ZNF415: variants seen among roughly 807,000 people sequenced by gnomAD.
The protein encoded by ZNF415 is zinc finger protein 415.
Under a neutral mutation model 7.3 loss-of-function variants are expected in ZNF415, and 5 were observed. The ratio of observed to expected loss-of-function variants is 0.69; its 90% CI spans 0.36 to 1.44. The LOEUF (loss-of-function observed/expected upper bound fraction) is 1.44. Ranked by LOEUF, ZNF415 falls within the 40% of genes most tolerant of loss-of-function variation. The pLI, the probability that ZNF415 is intolerant of heterozygous loss-of-function variation, is 0.04. For missense variants in ZNF415, 628 were observed against 664.8 expected (o/e 0.94, Z 0.61); for synonymous variants, 207 against 226.3 (o/e 0.91, Z 0.77).
intron 1 of ZNF415, among the ~76,000 whole-genome samples, chr19:53,129,420 C>T (rs1023259497): frequency 2.0e-5 from 3 of 152,212 alleles, no homozygotes; most frequent in Non-Finnish European, 4.4e-5. Flanking sequence ...AAGATGGTCT[C>T]TGTGTCTGAG....
chr19:53,129,405 C>T (rs183872876), intron 1 of ZNF415, among the ~76,000 whole-genome samples: 5 of 152,264 alleles, frequency 3.3e-5, no homozygotes, highest in Admixed American at 2.0e-4. Flanking sequence ...CAGAGAAAGG[C>T]CCCGAAGATG....
chr19:53,131,643 G>C (rs749144403), intron 1 of ZNF415, among the ~76,000 whole-genome samples: 1 of 151,288 alleles, frequency 6.6e-6, no homozygotes, highest in Non-Finnish European at 1.5e-5. Context: ...TGCTCATTTT[G>C]AGCCCCTCTC....
At chr19:53,116,268 G>A (rs1354179449) in intron 3 of ZNF415, 45 bp downstream of exon 3, 5 of 1,573,614 alleles carry the variant, frequency 3.2e-6, no homozygotes, top group Non-Finnish European at 4.3e-6. Context: ...AAAATGGAAA[G>A]ATACCAAGGG....
At chr19:53,115,315 A>T (rs1208174129) in intron 3 of ZNF415, 2 of 191,890 alleles carry the variant, frequency 1.0e-5, no homozygotes, top group Non-Finnish European at 2.2e-5. Flanking sequence ...AGCCTGGGCA[A>T]TAAGAGCGAA....
intron 1 of ZNF415, among the ~76,000 whole-genome samples, chr19:53,132,376 G>C (rs1048445566): frequency 5.9e-5 from 9 of 152,154 alleles, no homozygotes; most frequent in African/African-American, 1.9e-4. Context: ...TCCCCAGCGC[G>C]GGCTCAGGGG....
rs145874239 is a variant in ZNF415 at position 53,110,849 on chromosome 19, T to G, written c.137-941A>C. Among the ~76,000 whole-genome samples, 691 of 152,264 alleles carry G rather than the reference T, an allele frequency of 4.5e-3. 5 individuals carry two copies. The highest frequency in any genetic ancestry group is 0.016 in the African/African-American group (655 of 41,542). ...GAAATCACAATTATGACTTCACACC[T>G]GCACTTATGTAACAAACAGCCAGTC... is the stretch of plus-strand genomic sequence containing the variant. On this transcript the variant is annotated intron_variant, in intron 3 of 3. Coordinates refer to ENST00000243643, the MANE Select transcript of ZNF415 (RefSeq NM_018355.4).
intron 1 of ZNF415, among the ~76,000 whole-genome samples, chr19:53,128,620 C>T (rs1369949831): frequency 4.6e-5 from 5 of 109,320 alleles, no homozygotes; most frequent in Non-Finnish European, 1.0e-4. Context: ...GTGGAAGACC[C>T]GGGAGCTGGA....
chr19:53,113,041 G>A (rs1345152163), intron 3 of ZNF415, among the ~76,000 whole-genome samples: 1 of 150,720 alleles, frequency 6.6e-6, no homozygotes, highest in Non-Finnish European at 1.5e-5. Context: ...AGCTGAGATT[G>A]TGCCATTGTA....
Position 53,109,767 on chromosome 19 carries a change from AT to A in ZNF415, c.277del (p.Ile93TyrfsTer18). ...EFCFREIKKK[I>X]HDFDCQWRDD... is the part of the protein sequence containing the mutation. ...TCTCCACTGACAGTCAAAGTCGTGTATTTTTTTCTTGATTTCCCTGAAGCAA... is the reference window on the plus strand; with the variant it reads ...TCTCCACTGACAGTCAAAGTCGTGTATTTTTTCTTGATTTCCCTGAAGCAA... On this transcript the variant is annotated frameshift_variant, in exon 4 of 4. Transcript: ENST00000243643. LOFTEE classifies it low-confidence loss of function (END_TRUNC). 1 of 1,613,714 alleles carries A rather than the reference AT, an allele frequency of 6.2e-7. No individual in the cohort carries two copies. Among genetic ancestry groups the A allele is most frequent in the Non-Finnish European group, 8.5e-7 (1 of 1,179,938 alleles).
At position 53,130,065 on chromosome 19, in the gene ZNF415, A is replaced by C. The variant is rs1315377803; in HGVS notation, c.-68+2791T>G. On this transcript the variant is annotated intron_variant, in intron 1 of 3. Coordinates refer to ENST00000243643, the MANE Select transcript of ZNF415 (RefSeq NM_018355.4). ...GGGTGAGAGAGCAAGACTCCAGCTC[A>C]CAAAAAAAAAAAAAAAGAAAAGAAA... is the stretch of plus-strand genomic sequence containing the variant. Among the ~76,000 whole-genome samples the C allele has an allele frequency of 7.3e-5, 5 of 68,732 alleles. No homozygotes were observed. In the East Asian group the frequency reaches 1.3e-3, roughly 18 times the overall value. 45.1% of individuals were successfully genotyped at this position (68,732 alleles called of 152,430 possible). A position where few individuals can be genotyped will look rare whatever the true frequency, so the allele number is the denominator to read the frequency against.
In ZNF415 at chr19:53,109,763, G is replaced by C. The variant is rs138219869; in HGVS notation, c.282C>G (p.His94Gln). The change falls in exon 4 of 4, where the codon CAC becomes CAG. Residue 94 changes from histidine to glutamine, a missense_variant. By Grantham distance (24) the His-to-Gln change is conservative. Coordinates refer to ENST00000243643, the MANE Select transcript of ZNF415 (RefSeq NM_018355.4). Reference protein sequence around the residue: ...FCFREIKKKIHDFDCQWRDDE... With the variant: ...FCFREIKKKIQDFDCQWRDDE... Reference sequence around the variant, plus strand: ...CATCTCTCCACTGACAGTCAAAGTCGTGTATTTTTTTCTTGATTTCCCTGA... The same window carrying C: ...CATCTCTCCACTGACAGTCAAAGTCCTGTATTTTTTTCTTGATTTCCCTGA... The C allele has an allele frequency of 6.2e-6, 10 of 1,613,932 alleles. No individual in the cohort carries two copies. The highest frequency in any genetic ancestry group is 4.2e-6 in the Non-Finnish European group (5 of 1,179,968).
intron 2 of ZNF415, among the ~76,000 whole-genome samples, chr19:53,119,898 T>C (rs987418060): frequency 5.9e-5 from 9 of 151,968 alleles, no homozygotes; most frequent in Admixed American, 2.0e-4. Flanking sequence ...TAATCAGGAA[T>C]AAAAAGTCTC....
intron 3 of ZNF415, among the ~76,000 whole-genome samples, chr19:53,110,169 G>A (rs576192324): frequency 6.6e-6 from 1 of 152,220 alleles, no homozygotes; most frequent in East Asian, 1.9e-4. Flanking sequence ...ACAAACCTAC[G>A]TTAGCCCTGA....
At chr19:53,111,542 T>G (rs2086249135) in intron 3 of ZNF415, among the ~76,000 whole-genome samples, 1 of 151,832 alleles carries the variant, frequency 6.6e-6, no homozygotes, top group Admixed American at 6.6e-5. Context: ...GGGGTTTCAG[T>G]ATGTTGGCCA....
chr19:53,117,304 G>A (rs1333026909), intron 2 of ZNF415, among the ~76,000 whole-genome samples: 1 of 152,038 alleles, frequency 6.6e-6, no homozygotes, highest in Non-Finnish European at 1.5e-5. Flanking sequence ...AGCCGAGCGT[G>A]GTGGTGCATG....
Position 53,110,608 on chromosome 19 carries a change from G to A in ZNF415, c.137-700C>T, listed in dbSNP as rs151289294. ...CATAACAATTAATTAATAAAACACT[G>A]TAGTAACCCATGATAAAAATGCAAA... On this transcript the variant is annotated intron_variant, in intron 3 of 3. Coordinates refer to ENST00000243643, the MANE Select transcript of ZNF415 (RefSeq NM_018355.4). 2.1e-4 allele frequency among the ~76,000 whole-genome samples: 32 copies of A among 152,206 alleles called. No individual in the cohort carries two copies. The East Asian group carries it at 6.2e-3, about 29-fold the overall frequency.
At chr19:53,119,741 A>T (rs891440112) in intron 2 of ZNF415, among the ~76,000 whole-genome samples, 1 of 152,040 alleles carries the variant, frequency 6.6e-6, no homozygotes, top group African/African-American at 2.4e-5. Context: ...GATAACACAG[A>T]AATATAAAAG....
Position 53,109,655 on chromosome 19 carries a change from T to C in ZNF415, c.390A>G (p.Ile130Met). Residue 130 changes from isoleucine to methionine, a missense_variant, in exon 4 of 4, where the codon ATA becomes ATG. Physicochemically the swap from Ile to Met is conservative, Grantham distance 10. Coordinates refer to ENST00000243643, the MANE Select transcript of ZNF415 (RefSeq NM_018355.4). ...CRRDQRDRRGIGNKSIKHQLG... is the reference protein window; with the variant it reads ...CRRDQRDRRGMGNKSIKHQLG... ...GCTGATGTTTAATAGACTTGTTTCC[T>C]ATACCTCTTCTATCGCGTTGGTCTC... 6.2e-7 allele frequency: 1 copy of C among 1,614,154 alleles called. No individual in the cohort carries two copies. Among genetic ancestry groups the C allele is most frequent in the South Asian group, 1.1e-5 (1 of 91,078 alleles).
At chr19:53,132,352 A>G (rs1054696365) in intron 1 of ZNF415, among the ~76,000 whole-genome samples, 1 of 152,114 alleles carries the variant, frequency 6.6e-6, no homozygotes, top group African/African-American at 2.4e-5. Context: ...GTCACAGGAC[A>G]GGCCCTGAGC....
Sources: allele counts gnomAD v4.1 joint callset (sites outside exome capture counted in the v4.1 genomes callset), GRCh38; gene constraint gnomAD v4.1.1; transcripts MANE v1.5; gene names NCBI Gene and HGNC (gene_info 2026-07-23, HGNC 2026-07-21).